The following DENND2A variants were observed in gnomAD, a reference collection of about 807,000 sequenced individuals.
DENND2A encodes DENN domain containing 2A.
In DENND2A, 53 loss-of-function variants were observed where a neutral mutation model predicts 105.3. The observed-to-expected ratio is 0.50, with a 90% CI of 0.40 to 0.63. The LOEUF (loss-of-function observed/expected upper bound fraction) is 0.63. DENND2A is among the 30% of genes least tolerant of loss of function. DENND2A has a pLI of 0.00. For synonymous variants in DENND2A, 522 were observed against 508.4 expected, an observed-to-expected ratio of 1.03 and a Z score of -0.36; for missense variants, 1,138 against 1,279.6, an observed-to-expected ratio of 0.89 and a Z score of 1.69.
chr7:140,635,134 G>A (rs889904236), intron 1 of DENND2A, among the ~76,000 whole-genome samples: 3 of 151,738 alleles, frequency 2.0e-5, no homozygotes, highest in Admixed American at 6.6e-5. Flanking sequence ...GTGGTGGTGC[G>A]CACCTATAGT....
chr7:140,611,394 C>T (rs1387607892), intron 1 of DENND2A, among the ~76,000 whole-genome samples: 1 of 152,034 alleles, frequency 6.6e-6, no homozygotes, highest in Admixed American at 6.6e-5. Context: ...AAAAAATTGG[C>T]CAGGTGTGGT....
intron 5 of DENND2A, among the ~76,000 whole-genome samples, chr7:140,576,027 G>GATAT (rs202205552): frequency 0.011 from 1,657 of 147,666 alleles, 27 homozygotes; most frequent in African/African-American, 0.037. Flanking sequence ...GGTTCTTTCA[G>GATAT]ATATATATAT....
rs1478649445 is a variant in DENND2A, at chr7:140,605,733, C to CAG, written c.-176_-175dup. 1 of 152,322 alleles carries CAG rather than the reference C, an allele frequency of 6.6e-6. No homozygotes were observed. Among genetic ancestry groups the CAG allele is most frequent in the Non-Finnish European group, 1.5e-5 (1 of 68,170 alleles). 9.4% of individuals were successfully genotyped at this position (152,322 alleles called of 1,614,324 possible). On this transcript the variant is annotated 5_prime_UTR_variant, in exon 2 of 20. It introduces an in-frame stop codon into an upstream open reading frame of the 5' UTR. Coordinates refer to ENST00000496613, the MANE Select transcript of DENND2A (RefSeq NM_015689.5). Reference sequence around the variant, plus strand: ...TCAGCCAATTTGTAGCTCAGGTTTTCAGTCTGGCTGTGGCTGCCCTTGGCC... The same window carrying CAG: ...TCAGCCAATTTGTAGCTCAGGTTTTCAGAGTCTGGCTGTGGCTGCCCTTGGCC...
At chr7:140,630,598 A>C (rs1350076780) in intron 1 of DENND2A, among the ~76,000 whole-genome samples, 1 of 152,154 alleles carries the variant, frequency 6.6e-6, no homozygotes, top group Non-Finnish European at 1.5e-5. Context: ...TAATCCTAGC[A>C]CTTTGGGAAG....
At chr7:140,618,608 T>C (rs1359620845) in intron 1 of DENND2A, among the ~76,000 whole-genome samples, 1 of 152,214 alleles carries the variant, frequency 6.6e-6, no homozygotes, top group Non-Finnish European at 1.5e-5. Flanking sequence ...TGGTCTCATA[T>C]CTAATATAGA....
intron 12 of DENND2A, among the ~76,000 whole-genome samples, chr7:140,552,663 A>G (rs903417498): frequency 6.6e-6 from 1 of 151,994 alleles, no homozygotes; most frequent in Non-Finnish European, 1.5e-5. Context: ...CTCCCAAAGT[A>G]CTAGGATTAC....
Position 140,522,005 on chromosome 7 carries a change from C to G in DENND2A, c.2761G>C (p.Gly921Arg). The change falls in exon 18 of 20, where the codon GGC (glycine) becomes CGC (arginine). Residue 921 changes from glycine to arginine, a missense_variant. Gly to Arg is a moderately radical substitution (Grantham distance 125, BLOSUM62 -2). Coordinates refer to ENST00000496613, the MANE Select transcript of DENND2A (RefSeq NM_015689.5). ...VGHYSLFLTS[G>R]EREERTLQRE... ...TGCAGGGTTCTCTCCTCACGCTCGC[C>G]CGACGTCAGGAACAAAGAGTAGTGT... The G allele has an allele frequency of 1.2e-6, 2 of 1,614,194 alleles. No homozygotes were observed. The highest frequency in any genetic ancestry group is 1.7e-6 in the Non-Finnish European group (2 of 1,180,034).
intron 6 of DENND2A, among the ~76,000 whole-genome samples, chr7:140,572,156 C>A (rs1278418168): frequency 6.6e-6 from 1 of 152,076 alleles, no homozygotes; most frequent in Non-Finnish European, 1.5e-5. Flanking sequence ...CAAGTGCACA[C>A]CACCATGCCT....
chr7:140,625,491 C>T (rs760426691), intron 1 of DENND2A, among the ~76,000 whole-genome samples: 1 of 152,086 alleles, frequency 6.6e-6, no homozygotes, highest in Non-Finnish European at 1.5e-5. Flanking sequence ...ACTAGCCTGG[C>T]CAACATGGTG....
At chr7:140,618,933 G>A (rs1800183051) in intron 1 of DENND2A, among the ~76,000 whole-genome samples, 1 of 152,020 alleles carries the variant, frequency 6.6e-6, no homozygotes, top group Non-Finnish European at 1.5e-5. Flanking sequence ...AGAGTAGCTG[G>A]GACTATAGGC....
At chr7:140,630,010 G>T (rs2130735770) in intron 1 of DENND2A, among the ~76,000 whole-genome samples, 1 of 151,970 alleles carries the variant, frequency 6.6e-6, no homozygotes, top group East Asian at 1.9e-4. Flanking sequence ...ACAGGTGCCT[G>T]CCACCATGCC....
At chr7:140,570,500 T>G (rs983201045) in intron 6 of DENND2A, among the ~76,000 whole-genome samples, 7 of 152,000 alleles carry the variant, frequency 4.6e-5, no homozygotes, top group African/African-American at 1.7e-4. Flanking sequence ...CAGCCCTGAG[T>G]GGGGTGAGAA....
intron 1 of DENND2A, among the ~76,000 whole-genome samples, chr7:140,629,306 G>C (rs757488460): frequency 6.6e-6 from 1 of 152,158 alleles, no homozygotes; most frequent in African/African-American, 2.4e-5. Context: ...GGAGGACAAC[G>C]AAAGGGGAGC....
intron 12 of DENND2A, among the ~76,000 whole-genome samples, chr7:140,553,200 G>T (rs1004439166): frequency 6.6e-6 from 1 of 152,060 alleles, no homozygotes; most frequent in African/African-American, 2.4e-5. Flanking sequence ...GATGTGTCAG[G>T]GTCACAAGAC....
At chr7:140,571,386 T>C (rs1395853859) in intron 6 of DENND2A, among the ~76,000 whole-genome samples, 3 of 152,178 alleles carry the variant, frequency 2.0e-5, no homozygotes, top group African/African-American at 7.2e-5. Flanking sequence ...GGTCTCGAAC[T>C]TCTGACCTGA....
chr7:140,568,668 C>T, intron 8 of DENND2A, 95 bp downstream of exon 8: 1 of 1,326,138 alleles, frequency 7.5e-7, no homozygotes. Flanking sequence ...CAAGCTCCGG[C>T]AGGACGCTTC....
chr7:140,525,621 C>A (rs1796028653), intron 16 of DENND2A, 130 bp downstream of exon 16: 3 of 779,656 alleles, frequency 3.8e-6, no homozygotes, highest in Non-Finnish European at 5.7e-6. Context: ...CCAGCCCCGT[C>A]CTGGGGTCAC....
At position 140,557,833 on chromosome 7, in the gene DENND2A, C is replaced by T. The variant is rs1797441713; in HGVS notation, c.1959+310G>A. ...GATTACAGGCGTGAGCCACCGCGCCCGGCCGTATATATTTTTAAAATAGAG... is the reference window on the plus strand; with the variant it reads ...GATTACAGGCGTGAGCCACCGCGCCTGGCCGTATATATTTTTAAAATAGAG... On this transcript the variant is annotated intron_variant, in intron 11 of 19. Coordinates refer to ENST00000496613, the MANE Select transcript of DENND2A (RefSeq NM_015689.5). Among the ~76,000 whole-genome samples the T allele has an allele frequency of 3.3e-5, 5 of 151,536 alleles. No individual in the cohort carries two copies. The South Asian group carries it at 1.0e-3, about 32-fold the overall frequency.
chr7:140,583,119 A>T (rs941282774), intron 5 of DENND2A, among the ~76,000 whole-genome samples: 2 of 151,318 alleles, frequency 1.3e-5, no homozygotes, highest in Non-Finnish European at 3.0e-5. Context: ...GTGAAACCCC[A>T]TCTCTACTAA....
Sources: allele counts gnomAD v4.1 joint callset (sites outside exome capture counted in the v4.1 genomes callset), GRCh38; gene constraint gnomAD v4.1.1; transcripts MANE v1.5; gene names NCBI Gene and HGNC (gene_info 2026-07-23, HGNC 2026-07-21).